Variants in TMEM114 observed in about 807,000 individuals in gnomAD.
The protein encoded by TMEM114 is transmembrane protein 114.
TMEM114 carries 6 observed loss-of-function variants against 6.2 expected under a neutral mutation model. The ratio of observed to expected loss-of-function variants is 0.97; its 90% CI spans 0.53 to 1.91. The LOEUF (loss-of-function observed/expected upper bound fraction) is 1.91. Ranked by LOEUF, TMEM114 falls within the 40% of genes most tolerant of loss-of-function variation. The pLI is 0.01. For missense variants in TMEM114, 218 were observed against 158.3 expected (o/e 1.38, Z -2.02); for synonymous variants, 104 against 73.0 (o/e 1.42, Z -2.16).
At chr16:8,557,830 T>C (rs781321409) in intron 2 of TMEM114, among the ~76,000 whole-genome samples, 2 of 152,236 alleles carry the variant, frequency 1.3e-5, no homozygotes, top group African/African-American at 4.8e-5. Flanking sequence ...ATTAACACTT[T>C]GATCTTTAAA....
At chr16:8,540,823 G>A (rs886438145) in intron 2 of TMEM114, among the ~76,000 whole-genome samples, 3 of 152,256 alleles carry the variant, frequency 2.0e-5, no homozygotes, top group African/African-American at 7.2e-5. Flanking sequence ...GAAGAGAGAT[G>A]TAGGATGTTT....
downstream of TMEM114, among the ~76,000 whole-genome samples, chr16:8,534,130 G>A (rs35873011): frequency 0.12 from 18,358 of 152,148 alleles, 1,317 homozygotes; most frequent in Middle Eastern, 0.21. Flanking sequence ...AATATTTATT[G>A]TGCATATTTT....
At chr16:8,556,931 C>G (rs182770524) in intron 2 of TMEM114, among the ~76,000 whole-genome samples, 9 of 152,150 alleles carry the variant, frequency 5.9e-5, no homozygotes, top group African/African-American at 2.2e-4. Flanking sequence ...CCCTGCTGAC[C>G]GCTCCAGCCT....
chr16:8,528,378 C>A, the TMEM114 span, among the ~76,000 whole-genome samples: 1 of 152,144 alleles, frequency 6.6e-6, no homozygotes, highest in Non-Finnish European at 1.5e-5. Flanking sequence ...GCTCATGCAC[C>A]ATGCTGTTCT....
chr16:8,553,089 C>T (rs1900897330), intron 2 of TMEM114, among the ~76,000 whole-genome samples: 1 of 152,238 alleles, frequency 6.6e-6, no homozygotes, highest in Non-Finnish European at 1.5e-5. Context: ...TTGTTGCTCA[C>T]CCTTTGCTTG....
downstream of TMEM114, among the ~76,000 whole-genome samples, chr16:8,566,448 T>A (rs535410927): frequency 1.6e-4 from 23 of 143,014 alleles, 2 homozygotes; most frequent in South Asian, 5.5e-3. Context: ...AGAGAACAGA[T>A]CAGAATGGAT....
At chr16:8,551,718 C>A (rs942410751) in intron 2 of TMEM114, among the ~76,000 whole-genome samples, 1 of 152,178 alleles carries the variant, frequency 6.6e-6, no homozygotes, top group African/African-American at 2.4e-5. Flanking sequence ...GCATCTCAAA[C>A]AATACTCTGA....
intron 2 of TMEM114, among the ~76,000 whole-genome samples, chr16:8,562,171 A>T (rs1361706565): frequency 6.6e-6 from 1 of 151,660 alleles, no homozygotes; most frequent in Admixed American, 6.6e-5. Context: ...TTAGTGAATG[A>T]GTGAATGAGT....
intron 2 of TMEM114, among the ~76,000 whole-genome samples, chr16:8,582,838 G>C (rs1193046105): frequency 2.6e-5 from 4 of 151,620 alleles, no homozygotes; most frequent in Admixed American, 2.6e-4. Context: ...GGTGGAAGCT[G>C]CAGTGATCTC....
intron 2 of TMEM114, among the ~76,000 whole-genome samples, chr16:8,541,538 G>C (rs1483572108): frequency 6.6e-6 from 1 of 152,058 alleles, no homozygotes; most frequent in Non-Finnish European, 1.5e-5. Context: ...TCATTTTCTT[G>C]AACCAATGCC....
intron 2 of TMEM114, among the ~76,000 whole-genome samples, chr16:8,582,818 G>A (rs1902197230): frequency 6.6e-6 from 1 of 152,098 alleles, no homozygotes; most frequent in South Asian, 2.1e-4. Context: ...AGAATTGCTT[G>A]AACCCAGGAG....
At chr16:8,559,444 G>A (rs1402696537) in intron 2 of TMEM114, among the ~76,000 whole-genome samples, 2 of 152,138 alleles carry the variant, frequency 1.3e-5, no homozygotes, top group East Asian at 3.9e-4. Context: ...AGCATTACAG[G>A]TGAATCCTCG....
chr16:8,546,347 G>T (rs747615111), intron 2 of TMEM114, among the ~76,000 whole-genome samples: 22 of 152,066 alleles, frequency 1.4e-4, no homozygotes, highest in Non-Finnish European at 3.2e-4. Context: ...TATAAATGAG[G>T]AGCCAAGACT....
intron 1 of TMEM114, 84 bp downstream of exon 1, chr16:8,589,535 G>A: frequency 5.0e-6 from 2 of 398,388 alleles, no homozygotes; most frequent in East Asian, 7.1e-5. Flanking sequence ...AGGAGTGCGC[G>A]CCAAGCAACA....
chr16:8,572,401 G>C (rs1459560766), intron 2 of TMEM114, 177 bp from the exon 3 acceptor site: 5 of 702,392 alleles, frequency 7.1e-6, no homozygotes, highest in Non-Finnish European at 1.2e-5. Flanking sequence ...CAGTGGTTGA[G>C]GCTCATCTCG....
At chr16:8,584,852 G>A (rs949888741) in intron 2 of TMEM114, among the ~76,000 whole-genome samples, 12 of 150,918 alleles carry the variant, frequency 8.0e-5, no homozygotes, top group African/African-American at 2.4e-4. Flanking sequence ...AATCCAGGAG[G>A]CGGAGGTTGC....
intron 2 of TMEM114, among the ~76,000 whole-genome samples, chr16:8,583,518 G>T (rs532302160): frequency 6.6e-6 from 1 of 152,322 alleles, no homozygotes; most frequent in East Asian, 1.9e-4. Context: ...GCCAAGGCAG[G>T]AGGGTCGCTT....
chr16:8,557,551 G>T (rs1041796430), intron 2 of TMEM114, among the ~76,000 whole-genome samples: 1 of 152,156 alleles, frequency 6.6e-6, no homozygotes, highest in Non-Finnish European at 1.5e-5. Context: ...ATATACAAGG[G>T]TCACTAGTTT....
downstream of TMEM114, among the ~76,000 whole-genome samples, chr16:8,535,576 G>T (rs1439394608): frequency 6.6e-6 from 1 of 152,126 alleles, no homozygotes; most frequent in Non-Finnish European, 1.5e-5. Flanking sequence ...AATGCAAGAA[G>T]ATCATGGGAA....
Sources: allele counts gnomAD v4.1 joint callset (sites outside exome capture counted in the v4.1 genomes callset), GRCh38; gene constraint gnomAD v4.1.1; transcripts MANE v1.5; gene names NCBI Gene and HGNC (gene_info 2026-07-23, HGNC 2026-07-21).